GSE1: variants seen among roughly 807,000 people sequenced by gnomAD.
GSE1 encodes genetic suppressor element 1.
Under a neutral mutation model 112.6 loss-of-function variants are expected in GSE1, and 32 were observed. That is an observed-to-expected ratio of 0.28 (90% CI 0.21 to 0.38). GSE1 has a LOEUF of 0.38. Among genes scored for constraint, GSE1 ranks in the 10% least tolerant of loss-of-function variants. GSE1 has a pLI of 1.00. For synonymous variants in GSE1, 1,115 were observed against 735.6 expected (o/e 1.52, Z -8.35); for missense variants, 2,348 against 1,699.2 (o/e 1.38, Z -6.71).
upstream of GSE1, among the ~76,000 whole-genome samples, chr16:85,551,316 G>A (rs191846682): frequency 5.2e-4 from 79 of 152,312 alleles, no homozygotes; most frequent in African/African-American, 1.7e-3. Context: ...TCTCACATGG[G>A]CACCTGGCAG....
chr16:85,480,207 C>T (rs536347587), intron 2 of GSE1, among the ~76,000 whole-genome samples: 20 of 152,354 alleles, frequency 1.3e-4, no homozygotes, highest in African/African-American at 4.8e-4. Flanking sequence ...AAGACTCAGG[C>T]AGTTTGGCTC....
chr16:85,321,366 C>T (rs2046103770), intron 1 of GSE1, among the ~76,000 whole-genome samples: 1 of 152,226 alleles, frequency 6.6e-6, no homozygotes. Flanking sequence ...CTCCCCTCTT[C>T]TGCCTGAGCT....
chr16:85,586,845 C>T (rs745736023), intron 1 of GSE1, among the ~76,000 whole-genome samples: 2 of 152,358 alleles, frequency 1.3e-5, no homozygotes, highest in South Asian at 2.1e-4. Context: ...CCAGCTCAGG[C>T]GAGCTCAGTG....
At chr16:85,463,688 G>A (rs978805052) in intron 2 of GSE1, among the ~76,000 whole-genome samples, 3 of 152,184 alleles carry the variant, frequency 2.0e-5, no homozygotes, top group Non-Finnish European at 4.4e-5. Context: ...AGCTCTCTGG[G>A]GAGAACTCCT....
intron 1 of GSE1, among the ~76,000 whole-genome samples, chr16:85,233,196 C>A (rs1395442607): frequency 6.6e-6 from 1 of 152,274 alleles, no homozygotes; most frequent in Non-Finnish European, 1.5e-5. Flanking sequence ...GGACCCTGTG[C>A]CTGCAAAGGC....
intron 2 of GSE1, among the ~76,000 whole-genome samples, chr16:85,483,516 C>T (rs529340349): frequency 4.6e-5 from 7 of 152,388 alleles, no homozygotes; most frequent in African/African-American, 1.7e-4. Flanking sequence ...AGCAAGTGCT[C>T]CATGAAGCCT....
intron 1 of GSE1, among the ~76,000 whole-genome samples, chr16:85,289,579 C>G (rs1232735681): frequency 6.6e-6 from 1 of 152,208 alleles, no homozygotes; most frequent in East Asian, 1.9e-4. Context: ...GGCCAATGTG[C>G]TGGGCCACAG....
At chr16:85,671,220 C>G in intron 15 of GSE1, 122 bp downstream of exon 15, 1 of 565,554 alleles carries the variant, frequency 1.8e-6, no homozygotes, top group East Asian at 3.3e-5. Flanking sequence ...TTTGGCGGAT[C>G]ACGAGGTCAG....
intron 1 of GSE1, among the ~76,000 whole-genome samples, chr16:85,220,879 C>G (rs2075379213): frequency 6.6e-6 from 1 of 152,020 alleles, no homozygotes; most frequent in Non-Finnish European, 1.5e-5. Context: ...GGAAACCTTC[C>G]CAAATCGTGC....
rs557181228 is a variant in GSE1, at chr16:85,655,915, G to C, written c.987G>C (p.Glu329Asp). The C allele has an allele frequency of 1.2e-6, 2 of 1,601,314 alleles. No individual in the cohort carries two copies. Among genetic ancestry groups the C allele is most frequent in the African/African-American group, 1.3e-5 (1 of 75,018 alleles). Residue 329 changes from glutamate to aspartate, a missense_variant and splice_region_variant, in exon 6 of 16, where the codon GAG (glutamate) becomes GAC (aspartate). Coordinates refer to ENST00000253458, the MANE Select transcript of GSE1 (RefSeq NM_014615.5). The part of the protein sequence containing the change: ...HSERMSGLSA[E>D]RLQMDEELRR... ...AGCGCATGTCTGGCCTCAGCGCGGA[G>C]AGGTAAGTGCGTCTCGAGCCGAGGA...
In GSE1 at chr16:85,172,274, C is replaced by T. The variant is rs72814231; in HGVS notation, c.2283+467C>T. ...CCGTTCTAGCTCCCGTGTGGCTTGGCTTTTCCAGAGTTTTCCACCTAAGTT... is the reference window on the plus strand; with the variant it reads ...CCGTTCTAGCTCCCGTGTGGCTTGGTTTTTCCAGAGTTTTCCACCTAAGTT... On this transcript the variant is annotated intron_variant, in intron 1 of 2. Coordinates refer to the GSE1 transcript ENST00000637419. 1.9e-3 allele frequency among the ~76,000 whole-genome samples: 292 copies of T among 152,334 alleles called. 1 individual carries two copies. The highest frequency in any genetic ancestry group is 3.5e-3 in the Non-Finnish European group (238 of 68,034).
chr16:85,204,778 G>A (rs938838564), intron 1 of GSE1, among the ~76,000 whole-genome samples: 4 of 152,184 alleles, frequency 2.6e-5, no homozygotes, highest in Non-Finnish European at 4.4e-5. Flanking sequence ...GGGCTCACAT[G>A]TCTCTGAATT....
At chr16:85,531,277 T>C (rs554039872) in intron 2 of GSE1, among the ~76,000 whole-genome samples, 2 of 152,280 alleles carry the variant, frequency 1.3e-5, no homozygotes, top group East Asian at 1.9e-4. Flanking sequence ...TCCTGTGTCC[T>C]GTGAGGCCCT....
intron 9 of GSE1, 31 bp from the exon 10 acceptor site, chr16:85,662,950 G>C (rs1315009166): frequency 2.1e-6 from 3 of 1,429,190 alleles, no homozygotes; most frequent in East Asian, 2.3e-5. Context: ...AAGGCTCTTT[G>C]TCTGGCTGAA....
At chr16:85,288,684 A>T (rs1208705251) in intron 1 of GSE1, among the ~76,000 whole-genome samples, 2 of 152,218 alleles carry the variant, frequency 1.3e-5, no homozygotes, top group Non-Finnish European at 2.9e-5. Flanking sequence ...TGCATAGAGG[A>T]AGAAGCAAAA....
chr16:85,409,418 A>T (rs1483356460), intron 2 of GSE1, among the ~76,000 whole-genome samples: 1 of 32,428 alleles, frequency 3.1e-5, no homozygotes, highest in Non-Finnish European at 5.9e-5. Flanking sequence ...CCCCCTGGAT[A>T]ATCCTCACTG....
At chr16:85,326,997 C>G (rs139941448) in intron 1 of GSE1, among the ~76,000 whole-genome samples, 1 of 152,248 alleles carries the variant, frequency 6.6e-6, no homozygotes, top group Admixed American at 6.5e-5. Flanking sequence ...TCCTGCCCCA[C>G]AGGGCACCAG....
At chr16:85,256,358 C>T (rs1907079565) in intron 1 of GSE1, among the ~76,000 whole-genome samples, 1 of 152,244 alleles carries the variant, frequency 6.6e-6, no homozygotes, top group Non-Finnish European at 1.5e-5. Flanking sequence ...ATAAAAATGA[C>T]AACAGTCAGC....
chr16:85,263,060 GGCTCGCTTACAGCACTCCTGACAGCTAA>G (rs1018162112), intron 1 of GSE1, among the ~76,000 whole-genome samples: 7 of 152,176 alleles, frequency 4.6e-5, no homozygotes, highest in African/African-American at 1.7e-4. Context: ...GCGGGGGCCG[GGCTCGCTTACAGCACTCCTGACAGCTAA>G]TTAGCGACGC....
Sources: gnomAD v4.1 joint callset for allele counts (sites outside exome capture counted in the v4.1 genomes callset) on GRCh38, gnomAD v4.1.1 for gene constraint, MANE v1.5 for transcripts, NCBI Gene and HGNC (gene_info 2026-07-23, HGNC 2026-07-21) for gene names.